The following ZNF595 variants were observed in gnomAD, a reference collection of about 807,000 sequenced individuals.
ZNF595 encodes zinc finger protein 595.
A neutral mutation model predicts 19.4 loss-of-function variants in ZNF595; 9 were observed. The observed-to-expected ratio is 0.46, with a 90% confidence interval of 0.28 to 0.81. ZNF595 has a LOEUF of 0.81. Ranked by LOEUF, ZNF595 falls within the 30% of genes least tolerant of loss-of-function variation. The pLI is 0.11. For missense variants in ZNF595, 729 were observed against 736.0 expected (o/e 0.99, Z 0.11); for synonymous variants, 255 against 255.9 (o/e 1.00, Z 0.03).
intron 3 of ZNF595, among the ~76,000 whole-genome samples, chr4:70,263 T>C (rs1713373039): frequency 6.6e-6 from 1 of 152,144 alleles, no homozygotes; most frequent in Admixed American, 6.5e-5. Context: ...ATTTTTTATA[T>C]GGCCAGAGAT....
chr4:81,007 C>T (rs186429866), intron 3 of ZNF595, among the ~76,000 whole-genome samples: 13 of 152,180 alleles, frequency 8.5e-5, no homozygotes, highest in Non-Finnish European at 1.5e-4. Flanking sequence ...TGACAGGCCC[C>T]GGTGTGTGAT....
rs139324620 is a variant in ZNF595 at position 77,312 on chromosome 4, T to A, written c.227-8419T>A. 5.3e-4 allele frequency among the ~76,000 whole-genome samples: 76 copies of A among 143,330 alleles called. 1 individual carries two copies. Among genetic ancestry groups the A allele is most frequent in the South Asian group, 9.9e-4 (4 of 4,026 alleles). The allele number at this position is 143,330 out of a possible 152,430, so 94.0% of individuals were successfully genotyped here. ...TTTGCTATAATTGTAATTTTGTTCA[T>A]GTGTTCTTGCAAAAAAAAAAATTAG... On this transcript the variant is annotated intron_variant, in intron 3 of 3. Transcript: ENST00000610261.
chr4:82,973 A>G (rs1248659774), intron 3 of ZNF595, among the ~76,000 whole-genome samples: 3 of 152,076 alleles, frequency 2.0e-5, no homozygotes, highest in African/African-American at 7.2e-5. Flanking sequence ...GAAATATCCT[A>G]CTATAATTAT....
Position 87,116 on chromosome 4 carries a change from T to C in ZNF595, c.1612T>C (p.Cys538Arg), listed in dbSNP as rs1714245095. Reference protein sequence around the residue: ...SIHSEQKLYKCEECGKAFTRS... With the variant: ...SIHSEQKLYKREECGKAFTRS... ...TCATTCTGAACAAAAACTTTACAAA[T>C]GTGAAGAATGTGGCAAAGCCTTTAC... is the stretch of plus-strand genomic sequence containing the variant. The change falls in exon 4 of 4, where the codon TGT becomes CGT. Residue 538 changes from cysteine to arginine, a missense_variant. Transcript: ENST00000610261. The C allele has an allele frequency of 1.2e-6, 2 of 1,613,834 alleles. No individual in the cohort carries two copies. Among genetic ancestry groups the C allele is most frequent in the Admixed American group, 1.7e-5 (1 of 59,984 alleles).
intron 3 of ZNF595, among the ~76,000 whole-genome samples, chr4:68,758 A>G (rs1239429492): frequency 2.0e-5 from 3 of 152,236 alleles, no homozygotes; most frequent in African/African-American, 7.2e-5. Flanking sequence ...TATTTTACGA[A>G]CAATCTAATA....
Position 87,650 on chromosome 4 carries a change from G to T in ZNF595, c.*199G>T. On this transcript the variant is annotated 3_prime_UTR_variant, in exon 4 of 4. Transcript: ENST00000610261. ...TATGACATGTAATTATCACATCAGAGTAAATGAGTTATTCTTCACAAGCAT... is the reference window on the plus strand; with the variant it reads ...TATGACATGTAATTATCACATCAGATTAAATGAGTTATTCTTCACAAGCAT... The T allele has an allele frequency of 2.8e-6, 1 of 357,284 alleles. No homozygotes were observed. The allele number at this position is 357,284 out of a possible 1,614,324, so 22.1% of individuals were successfully genotyped here.
intron 3 of ZNF595, among the ~76,000 whole-genome samples, chr4:76,499 A>G (rs1391166244): frequency 3.3e-5 from 5 of 152,148 alleles, no homozygotes; most frequent in African/African-American, 4.8e-5. Context: ...ACAGTTTTAT[A>G]GCCTTCTATA....
intron 3 of ZNF595, among the ~76,000 whole-genome samples, chr4:69,399 C>T (rs1017366225): frequency 1.3e-5 from 2 of 152,042 alleles, no homozygotes; most frequent in East Asian, 1.9e-4. Flanking sequence ...TCCTTACTGG[C>T]GTTTGTTATT....
At chr4:77,072 T>C (rs1312138664) in intron 3 of ZNF595, among the ~76,000 whole-genome samples, 1 of 152,158 alleles carries the variant, frequency 6.6e-6, no homozygotes, top group Non-Finnish European at 1.5e-5. Flanking sequence ...CATGCTAAAA[T>C]ATGTACATTT....
chr4:78,057 G>A lies in ZNF595; in HGVS notation c.227-7674G>A, dbSNP rs528928271. ...GGAGTCTTGCTCTGTCTCCCAGGCT[G>A]GAGTGCAGTGGCGCGATCTCGGCTC... On this transcript the variant is annotated intron_variant, in intron 3 of 3. Transcript: ENST00000610261. 3.7e-4 allele frequency among the ~76,000 whole-genome samples: 56 copies of A among 152,292 alleles called. 1 individual carries two copies. The highest frequency in any genetic ancestry group is 1.3e-3 in the African/African-American group (56 of 41,560).
At chr4:81,789 CTCTTCATGGTTGACT>C (rs1713920126) in intron 3 of ZNF595, among the ~76,000 whole-genome samples, 1 of 152,128 alleles carries the variant, frequency 6.6e-6, no homozygotes, top group Admixed American at 6.5e-5. Context: ...CATACAGTTT[CTCTTCATGGTTGACT>C]TACTTCATGT....
At chr4:61,150 T>C (rs1712843597) in intron 3 of ZNF595, among the ~76,000 whole-genome samples, 1 of 152,216 alleles carries the variant, frequency 6.6e-6, no homozygotes, top group African/African-American at 2.4e-5. Flanking sequence ...GATTTCTTTC[T>C]TTTTTTCTTT....
intron 3 of ZNF595, among the ~76,000 whole-genome samples, chr4:64,833 TTGTC>T (rs1581328857): frequency 1.3e-5 from 2 of 152,364 alleles, no homozygotes; most frequent in South Asian, 2.1e-4. Context: ...GTTTTACAGT[TTGTC>T]TGCATATGAT....
In ZNF595 at chr4:87,282, CAT is replaced by C. The variant is rs781897338; in HGVS notation, c.1779_1780del (p.Cys594Ter). On this transcript the variant is annotated frameshift_variant, in exon 4 of 4. Coordinates refer to ENST00000610261, the MANE Select transcript of ZNF595 (RefSeq NM_182524.4). LOFTEE classifies it high-confidence loss of function. ...ATTCATACTGGAGAGAAACCCTTCACATGTGAAGAATGTGGCAAAGCCTTCAA... is the reference window on the plus strand; with the variant it reads ...ATTCATACTGGAGAGAAACCCTTCACGTGAAGAATGTGGCAAAGCCTTCAA... The C allele has an allele frequency of 3.4e-5, 55 of 1,611,032 alleles. No individual in the cohort carries two copies. The highest frequency in any genetic ancestry group is 3.8e-5 in the Non-Finnish European group (45 of 1,178,874).
At chr4:79,165 A>C (rs1437776550) in intron 3 of ZNF595, among the ~76,000 whole-genome samples, 3 of 152,050 alleles carry the variant, frequency 2.0e-5, no homozygotes, top group African/African-American at 7.2e-5. Flanking sequence ...TCTTTCTATA[A>C]TTTTATAATT....
intron 3 of ZNF595, among the ~76,000 whole-genome samples, chr4:61,373 T>C (rs1192864656): frequency 6.6e-6 from 1 of 152,308 alleles, no homozygotes; most frequent in Non-Finnish European, 1.5e-5. Flanking sequence ...TGACCTCAAG[T>C]GATCCGCCCA....
intron 3 of ZNF595, among the ~76,000 whole-genome samples, chr4:72,992 G>A (rs1713492480): frequency 6.6e-6 from 1 of 152,140 alleles, no homozygotes; most frequent in South Asian, 2.1e-4. Flanking sequence ...CAGAACTCTG[G>A]AAAGCTGAGG....
At chr4:80,225 T>C (rs1450327530) in intron 3 of ZNF595, among the ~76,000 whole-genome samples, 1 of 152,170 alleles carries the variant, frequency 6.6e-6, no homozygotes, top group Non-Finnish European at 1.5e-5. Context: ...TTTCTTCATG[T>C]TGAGGCTGGT....
chr4:61,489 T>C (rs1319341540), intron 3 of ZNF595, among the ~76,000 whole-genome samples: 47 of 151,842 alleles, frequency 3.1e-4, no homozygotes, highest in Non-Finnish European at 5.9e-4. Context: ...AGAACATTCC[T>C]AAGTGTATAT....
Sources: gnomAD v4.1 joint callset for allele counts (sites outside exome capture counted in the v4.1 genomes callset) on GRCh38, gnomAD v4.1.1 for gene constraint, MANE v1.5 for transcripts, NCBI Gene and HGNC (gene_info 2026-07-23, HGNC 2026-07-21) for gene names.